GAK: variants seen among roughly 807,000 people sequenced by gnomAD.
The protein encoded by GAK is cyclin-G-associated kinase.
Under a neutral mutation model 143.9 loss-of-function variants are expected in GAK, and 79 were observed. The ratio of observed to expected loss-of-function variants is 0.55; its 90% CI spans 0.46 to 0.66. The LOEUF (loss-of-function observed/expected upper bound fraction) is 0.66. Among genes scored for constraint, GAK ranks in the 30% least tolerant of loss-of-function variants. The pLI is 0.00. For synonymous variants in GAK, 881 were observed against 765.5 expected (o/e 1.15, Z -2.49); for missense variants, 1,693 against 1,779.7 (o/e 0.95, Z 0.88).
At chr4:929,378 A>T (rs369312571) in intron 1 of GAK, among the ~76,000 whole-genome samples, 21 of 152,204 alleles carry the variant, frequency 1.4e-4, no homozygotes, top group African/African-American at 5.1e-4. Flanking sequence ...AATTTATCTC[A>T]CTAGCAGTAA....
At chr4:880,689 C>T (rs1385380173) in intron 15 of GAK, among the ~76,000 whole-genome samples, 2 of 152,158 alleles carry the variant, frequency 1.3e-5, no homozygotes, top group Non-Finnish European at 2.9e-5. Context: ...ACACACACAC[C>T]TCCTCCCACA....
chr4:876,098 C>T (rs1039437588), intron 18 of GAK, among the ~76,000 whole-genome samples: 5 of 152,212 alleles, frequency 3.3e-5, no homozygotes, highest in Admixed American at 6.5e-5. Flanking sequence ...CTGGGCATGG[C>T]AGGGGTGGGG....
chr4:904,879 G>C, intron 4 of GAK, 100 bp from the exon 5 acceptor site: 2 of 1,189,852 alleles, frequency 1.7e-6, no homozygotes. Context: ...AAATGGAAAG[G>C]AAAACCCTGA....
intron 1 of GAK, among the ~76,000 whole-genome samples, chr4:926,365 C>T (rs1186632185): frequency 6.6e-6 from 1 of 152,214 alleles, no homozygotes; most frequent in Admixed American, 6.5e-5. Context: ...TCAGACATCT[C>T]CTCCAGGGCA....
chr4:866,214 G>T, intron 22 of GAK, 150 bp downstream of exon 22: 1 of 746,408 alleles, frequency 1.3e-6, no homozygotes, highest in Non-Finnish European at 2.2e-6. Flanking sequence ...GGGACGTCCT[G>T]CAGGATGCTT....
intron 1 of GAK, among the ~76,000 whole-genome samples, chr4:924,070 A>G (rs969106713): frequency 4.0e-5 from 6 of 151,316 alleles, no homozygotes; most frequent in Non-Finnish European, 7.4e-5. Context: ...CTTTAATCCC[A>G]GCTAGTTGGG....
intron 1 of GAK, among the ~76,000 whole-genome samples, chr4:918,149 G>A (rs1723355038): frequency 6.6e-6 from 1 of 152,172 alleles, no homozygotes; most frequent in African/African-American, 2.4e-5. Flanking sequence ...TGACCAGGTG[G>A]TATTCATCCC....
chr4:890,243 G>A (rs1291166046), intron 10 of GAK, among the ~76,000 whole-genome samples: 1 of 152,148 alleles, frequency 6.6e-6, no homozygotes, highest in Non-Finnish European at 1.5e-5. Flanking sequence ...CTGGTCACTC[G>A]GGCCCGGTCT....
intron 27 of GAK, 59 bp from the exon 28 acceptor site, chr4:849,833 G>GGGGGGGGGC: frequency 5.9e-6 from 7 of 1,190,134 alleles, no homozygotes; most frequent in South Asian, 1.4e-5. Flanking sequence ...GGCGGGGCAG[G>GGGGGGGGGC]ACCCCCCCCC....
chr4:926,586 C>G (rs776689683), intron 1 of GAK, among the ~76,000 whole-genome samples: 7 of 152,192 alleles, frequency 4.6e-5, no homozygotes, highest in Non-Finnish European at 1.0e-4. Flanking sequence ...TGACCATGCT[C>G]GGCAAATACG....
chr4:898,106 C>A lies in GAK; in HGVS notation c.578G>T (p.Gly193Val), dbSNP rs1577222291. 1.2e-6 allele frequency: 2 copies of A among 1,614,092 alleles called. No individual in the cohort carries two copies. The highest frequency in any genetic ancestry group is 1.7e-6 in the Non-Finnish European group (2 of 1,180,010). The change falls in exon 6 of 28, where the codon GGC becomes GTC. Residue 193 changes from glycine to valine, a missense_variant. Gly to Val is a moderately radical substitution (Grantham distance 109). Around this residue, in one of 2 missense-constraint regions of GAK, gnomAD observed 871 missense variants for 991.0 expected, o/e 0.88. Transcript: ENST00000314167. The part of the protein sequence containing the change: ...NQGTIKLCDF[G>V]SATTISHYPD... ...GTAGTGCGAGATGGTCGTGGCACTG[C>A]CAAAGTCACACAGCTTAATGGTCCC... is the stretch of plus-strand genomic sequence containing the variant.
chr4:858,288 T>C (rs1442738813), intron 24 of GAK, among the ~76,000 whole-genome samples: 1 of 152,174 alleles, frequency 6.6e-6, no homozygotes, highest in East Asian at 1.9e-4. Context: ...TATTTTTTCC[T>C]TCAGTTGTAT....
intron 1 of GAK, among the ~76,000 whole-genome samples, chr4:914,371 CA>C (rs1560428571): frequency 3.5e-4 from 36 of 101,932 alleles, no homozygotes; most frequent in South Asian, 7.3e-4. Context: ...GCACGGCCCC[CA>C]CACACACAGC....
chr4:872,992 C>T (rs1275365063), intron 18 of GAK, among the ~76,000 whole-genome samples: 5 of 150,800 alleles, frequency 3.3e-5, no homozygotes, highest in Admixed American at 6.6e-5. Flanking sequence ...AGGCTCACCA[C>T]GCAGGGAACA....
chr4:859,447 GCA>G (rs1405792404), intron 24 of GAK, 157 bp downstream of exon 24: 1 of 1,589,594 alleles, frequency 6.3e-7, no homozygotes, highest in South Asian at 1.1e-5. Flanking sequence ...TGGAACAGGT[GCA>G]GACACGCTGT....
In GAK at chr4:882,739, C is replaced by T; in HGVS notation, c.1485G>A (p.Trp495Ter). 6.2e-7 allele frequency: 1 copy of T among 1,612,746 alleles called. No homozygotes were observed. ...LYNICRNMHA[W>*]LRQDHKNVCV... Reference sequence around the variant, plus strand: ...AGACGTTCTTGTGGTCCTGCCGCAGCCAGGCGTGCATGTTCCTGCAGATGT... The same window carrying T: ...AGACGTTCTTGTGGTCCTGCCGCAGTCAGGCGTGCATGTTCCTGCAGATGT... The change falls in exon 14 of 28, where the codon TGG becomes TGA. Residue 495 changes from tryptophan to a stop codon, truncating the protein, a stop_gained. Transcript: ENST00000314167. LOFTEE classifies it high-confidence loss of function.
At chr4:931,200 A>C (rs561017333) in intron 1 of GAK, among the ~76,000 whole-genome samples, 15 of 152,240 alleles carry the variant, frequency 9.9e-5, no homozygotes, top group Non-Finnish European at 2.2e-4. Context: ...GGGAGCTAGA[A>C]ATAGCATGCA....
In GAK at chr4:881,894, G is replaced by A. The variant is rs770109974; in HGVS notation, c.1661+13C>T. 3 of 1,570,356 alleles carry A rather than the reference G, an allele frequency of 1.9e-6. No homozygotes were observed. Among genetic ancestry groups the A allele is most frequent in the South Asian group, 2.3e-5 (2 of 86,356 alleles). ...ACAGAGCTGTCCCCTGTCCCCGGAG[G>A]GCCACGCAGTACCTTTTGTGGGATG... On this transcript the variant is annotated intron_variant, in intron 15 of 27. Coordinates refer to ENST00000314167, the MANE Select transcript of GAK (RefSeq NM_005255.4).
At position 869,369 on chromosome 4, in the gene GAK, G is replaced by C. The variant is rs372740724; in HGVS notation, c.2249-684C>G. On this transcript the variant is annotated intron_variant, in intron 19 of 27. Coordinates refer to ENST00000314167, the MANE Select transcript of GAK (RefSeq NM_005255.4). ...CACACACAGCACATACACACATGCA[G>C]GGTACACACGAATGCAAAGCACACA... 3.1e-4 allele frequency: 43 copies of C among 140,276 alleles called. 2 individuals carry two copies. In the Middle Eastern group the frequency reaches 0.034, roughly 112 times the overall value. The allele number at this position is 140,276 out of a possible 1,614,324, so 8.7% of individuals were successfully genotyped here. A position where few individuals can be genotyped will look rare whatever the true frequency, so the allele number is the denominator to read the frequency against.
Sources: allele counts gnomAD v4.1 joint callset (sites outside exome capture counted in the v4.1 genomes callset), GRCh38; gene constraint gnomAD v4.1.1; regional missense constraint gnomAD v4.1.1; transcripts MANE v1.5; gene names NCBI Gene and HGNC (gene_info 2026-07-23, HGNC 2026-07-21).